Variants in SLCO4C1 observed in about 807,000 individuals in gnomAD.
SLCO4C1 encodes the protein solute carrier organic anion transporter family member 4C1.
SLCO4C1 carries 58 observed loss-of-function variants against 72.1 expected under a neutral mutation model. The ratio of observed to expected loss-of-function variants is 0.80; its 90% CI spans 0.65 to 1.00. The LOEUF is 1.00. Among genes scored for constraint, SLCO4C1 ranks in the 50% least tolerant of loss-of-function variants. The pLI is 0.00. For missense variants in SLCO4C1, 898 were observed against 857.9 expected (o/e 1.05, Z -0.58); for synonymous variants, 297 against 312.5 (o/e 0.95, Z 0.52).
In SLCO4C1 at chr5:102,251,698, G is replaced by A. The variant is rs144853144; in HGVS notation, c.1470-1910C>T. ...GGTATTGTAAGTAATAAGATTAAGA[G>A]TATCTCCAATTTGGTGGAGAAGAAA... On this transcript the variant is annotated intron_variant, in intron 8 of 12. Transcript: ENST00000310954. Among the ~76,000 whole-genome samples the A allele has an allele frequency of 5.5e-3, 834 of 152,224 alleles. 3 individuals are homozygous for A. The highest frequency in any genetic ancestry group is 0.011 in the Admixed American group (174 of 15,282).
At position 102,270,680 on chromosome 5, in the gene SLCO4C1, A is replaced by T. The variant is rs764438739; in HGVS notation, c.746T>A (p.Leu249Gln). ...AGAATCATCAAGAAAGGCTGTTCCC[A>T]GAGTATAAAGAGGAGTTCCTCCTGC... ...LGAGGTPLYT[L>Q]GTAFLDDSVP... The change falls in exon 3 of 13, where the codon CTG (leucine) becomes CAG (glutamine). Residue 249 changes from leucine (L) to glutamine (Q), a missense_variant. By Grantham distance (113) the Leu-to-Gln change is moderately radical. Transcript: ENST00000310954. The T allele has an allele frequency of 7.8e-5, 126 of 1,613,140 alleles. No homozygotes were observed. Among genetic ancestry groups the T allele is most frequent in the Non-Finnish European group, 9.3e-5 (110 of 1,179,532 alleles).
At chr5:102,258,985 TA>T (rs1040099288) in intron 6 of SLCO4C1, among the ~76,000 whole-genome samples, 6 of 152,018 alleles carry the variant, frequency 3.9e-5, no homozygotes, top group Non-Finnish European at 7.4e-5. Flanking sequence ...CATAACTGAG[TA>T]AATTTCCTGT....
In SLCO4C1 at chr5:102,260,097, T is replaced by C. The variant is rs1271437134; in HGVS notation, c.1128+116A>G. The C allele has an allele frequency of 2.7e-4, 69 of 255,874 alleles. 1 individual carries two copies. The highest frequency in any genetic ancestry group is 1.5e-5 in the Non-Finnish European group (2 of 130,604). The allele number at this position is 255,874 out of a possible 1,614,324, so 15.9% of individuals were successfully genotyped here. A position where few individuals can be genotyped will look rare whatever the true frequency, so the allele number is the denominator to read the frequency against. ...ATGTGTGGTTGTATTTGTATATATA[T>C]ATGTGTGTATATATAATATATAAAC... On this transcript the variant is annotated intron_variant, in intron 6 of 12. Transcript: ENST00000310954.
intron 3 of SLCO4C1, among the ~76,000 whole-genome samples, chr5:102,267,508 CTTTTT>C (rs1003708668): frequency 4.0e-5 from 6 of 149,008 alleles, no homozygotes; most frequent in African/African-American, 1.5e-4. Context: ...GGTCTTCTCT[CTTTTT>C]TTAAGTCTAG....
intron 8 of SLCO4C1, among the ~76,000 whole-genome samples, chr5:102,250,964 G>T (rs1475241604): frequency 1.3e-5 from 2 of 151,918 alleles, no homozygotes; most frequent in African/African-American, 2.4e-5. Flanking sequence ...TCCAGCCTGG[G>T]CAACAGAGTG....
chr5:102,288,040 T>C (rs1162725099), intron 2 of SLCO4C1, among the ~76,000 whole-genome samples: 1 of 152,134 alleles, frequency 6.6e-6, no homozygotes, highest in Non-Finnish European at 1.5e-5. Flanking sequence ...CAGTGATGCA[T>C]TTTCATTCAC....
chr5:102,272,847 C>T (rs1749178394), intron 2 of SLCO4C1, among the ~76,000 whole-genome samples: 2 of 151,784 alleles, frequency 1.3e-5, no homozygotes, highest in Admixed American at 6.6e-5. Flanking sequence ...CCCAGCTACT[C>T]GGGAGGCTGA....
At chr5:102,278,592 A>T (rs1344866253) in intron 2 of SLCO4C1, among the ~76,000 whole-genome samples, 1 of 152,190 alleles carries the variant, frequency 6.6e-6, no homozygotes, top group East Asian at 1.9e-4. Flanking sequence ...TGCGCCATAG[A>T]GTAAACCTTA....
At chr5:102,239,415 A>C in intron 11 of SLCO4C1, 27 bp from the exon 12 acceptor site, 1 of 1,481,788 alleles carries the variant, frequency 6.7e-7, no homozygotes, top group Non-Finnish European at 9.0e-7. Flanking sequence ...TGAAATATAC[A>C]ACAGTAAAGA....
At chr5:102,263,869 A>G in intron 3 of SLCO4C1, 89 bp from the exon 4 acceptor site, 1 of 956,102 alleles carries the variant, frequency 1.0e-6, no homozygotes, top group Admixed American at 2.2e-5. Context: ...TTACTACAGA[A>G]AAATCTAAAC....
chr5:102,291,588 AGGC>A lies in SLCO4C1; in HGVS notation c.371_373del (p.Gly124_Leu125delinsVal). 1 of 1,612,678 alleles carries A rather than the reference AGGC, an allele frequency of 6.2e-7. No homozygotes were observed. Among genetic ancestry groups the A allele is most frequent in the Non-Finnish European group, 8.5e-7 (1 of 1,179,376 alleles). On this transcript the variant is annotated inframe_deletion, in exon 2 of 13. Transcript: ENST00000310954. ...AACAGTGGAAATGCTAATATTTACTAGGCCATTAACTACAATACCTAAAAAACA... is the reference window on the plus strand; with the variant it reads ...AACAGTGGAAATGCTAATATTTACTACATTAACTACAATACCTAAAAAACA...
At chr5:102,256,231 T>C (rs555315284) in intron 8 of SLCO4C1, among the ~76,000 whole-genome samples, 26 of 152,180 alleles carry the variant, frequency 1.7e-4, no homozygotes, top group African/African-American at 6.3e-4. Flanking sequence ...GAAAAAAATG[T>C]GATGGAGCTT....
At chr5:102,256,948 G>A (rs1748847006) in intron 8 of SLCO4C1, among the ~76,000 whole-genome samples, 167 bp downstream of exon 8, 1 of 152,078 alleles carries the variant, frequency 6.6e-6, no homozygotes, top group South Asian at 2.1e-4. Context: ...CTTTTAAGAA[G>A]ACATCAATTA....
At chr5:102,267,374 T>C (rs1749060537) in intron 3 of SLCO4C1, among the ~76,000 whole-genome samples, 1 of 152,134 alleles carries the variant, frequency 6.6e-6, no homozygotes, top group South Asian at 2.1e-4. Context: ...TGCCTAGGAA[T>C]TTATCCATTT....
chr5:102,259,206 T>C (rs1272266846), intron 6 of SLCO4C1, among the ~76,000 whole-genome samples: 7 of 152,076 alleles, frequency 4.6e-5, no homozygotes, highest in African/African-American at 1.4e-4. Context: ...GGTGGTATCC[T>C]ATCTAAGGAA....
chr5:102,258,031 G>A lies in SLCO4C1; in HGVS notation c.1185C>T (p.Ala395=), dbSNP rs1000298357. 6.2e-7 allele frequency: 1 copy of A among 1,604,076 alleles called. No individual in the cohort carries two copies. The highest frequency in any genetic ancestry group is 8.5e-7 in the Non-Finnish European group (1 of 1,176,708). The change falls in exon 7 of 13, where the codon GCC becomes GCT. Residue 395 remains alanine (A), a synonymous_variant. Transcript: ENST00000310954. ...ATGTAGCAAATCCAGTAGTAATTAA[G>A]GCTTCTGAAGAAGTTGATAGAACTA... ...MCLVLSTSSE[A]LITTGFATFL... is the part of the protein sequence containing the mutation.
intron 2 of SLCO4C1, among the ~76,000 whole-genome samples, chr5:102,271,189 T>A (rs1009619528): frequency 1.3e-5 from 2 of 152,138 alleles, no homozygotes; most frequent in African/African-American, 4.8e-5. Context: ...TCACTTATTA[T>A]GTCCCGGACG....
In SLCO4C1 at chr5:102,270,668, A is replaced by G. The variant is rs1205622693; in HGVS notation, c.758T>C (p.Phe253Ser). ...GTGTGTGGGCACAGAATCATCAAGA[A>G]AGGCTGTTCCCAGAGTATAAAGAGG... Reference protein sequence around the residue: ...GTPLYTLGTAFLDDSVPTHKS... With the variant: ...GTPLYTLGTASLDDSVPTHKS... The change falls in exon 3 of 13, where the codon TTT (phenylalanine) becomes TCT (serine). Residue 253 changes from phenylalanine (F) to serine (S), a missense_variant. By Grantham distance (155) the Phe-to-Ser change is radical (BLOSUM62 -2). Transcript: ENST00000310954. 14 of 1,613,084 alleles carry G rather than the reference A, an allele frequency of 8.7e-6. No individual in the cohort carries two copies. Among genetic ancestry groups the G allele is most frequent in the Non-Finnish European group, 1.1e-5 (13 of 1,179,402 alleles).
intron 11 of SLCO4C1, among the ~76,000 whole-genome samples, chr5:102,239,979 T>G (rs1189511426): frequency 6.6e-6 from 1 of 152,084 alleles, no homozygotes; most frequent in Non-Finnish European, 1.5e-5. Context: ...GAGGTTGTAA[T>G]TTTTAGACAA....
Sources: allele counts gnomAD v4.1 joint callset (sites outside exome capture counted in the v4.1 genomes callset), GRCh38; gene constraint gnomAD v4.1.1; transcripts MANE v1.5; gene names NCBI Gene and HGNC (gene_info 2026-07-23, HGNC 2026-07-21).